The following PPP2R1A variants were observed in gnomAD, a reference collection of about 807,000 sequenced individuals.
PPP2R1A encodes serine/threonine-protein phosphatase 2A 65 kDa regulatory subunit A alpha isoform.
In PPP2R1A, 15 loss-of-function variants were observed where a neutral mutation model predicts 67.1. The observed-to-expected ratio is 0.22, with a 90% CI of 0.15 to 0.34. The LOEUF (loss-of-function observed/expected upper bound fraction) is 0.34, where lower values mean the gene tolerates loss of function less well. Ranked by LOEUF, PPP2R1A falls within the 10% of genes least tolerant of loss-of-function variation. PPP2R1A has a pLI of 1.00. For missense variants in PPP2R1A, 369 were observed against 775.0 expected, an observed-to-expected ratio of 0.48 and a Z score of 6.22; for synonymous variants, 337 against 325.0, an observed-to-expected ratio of 1.04 and a Z score of -0.40.
chr19:52,190,259 G>A, intron 1 of PPP2R1A, 85 bp downstream of exon 1: 1 of 1,451,750 alleles, frequency 6.9e-7, no homozygotes, highest in Non-Finnish European at 9.4e-7. Context: ...CTCAGCGTTC[G>A]CTGGGAGTGG....
chr19:52,204,638 A>G (rs374229225), intron 2 of PPP2R1A, among the ~76,000 whole-genome samples: 16 of 152,364 alleles, frequency 1.1e-4, no homozygotes, highest in African/African-American at 3.8e-4. Context: ...GTGGATACGC[A>G]TAAGGTCTTC....
chr19:52,212,134 G>A lies in PPP2R1A; in HGVS notation c.504-552G>A, dbSNP rs2089676022. On this transcript the variant is annotated intron_variant, in intron 4 of 14. Coordinates refer to ENST00000322088, the MANE Select transcript of PPP2R1A (RefSeq NM_014225.6). This position sits in a 1 kb window ranked among gnomAD's most constrained non-coding sequence, Gnocchi z 4.1. ...AGGATCTCGCTCTGTCATCCAGGCT[G>A]AAGTGCACTGGTGCAGTCATAGCCC... 6.6e-6 allele frequency among the ~76,000 whole-genome samples: 1 copy of A among 152,234 alleles called. No individual in the cohort carries two copies. The highest frequency in any genetic ancestry group is 6.5e-5 in the Admixed American group (1 of 15,288).
chr19:52,226,855 G>C lies in PPP2R1A; in HGVS notation c.*874G>C, dbSNP rs1979295988. 1 of 152,226 alleles carries C rather than the reference G, an allele frequency of 6.6e-6. No individual in the cohort carries two copies. Among genetic ancestry groups the C allele is most frequent in the Non-Finnish European group, 1.5e-5 (1 of 68,054 alleles). The allele number at this position is 152,226 out of a possible 1,614,324, so 9.4% of individuals were successfully genotyped here. A position where few individuals can be genotyped will look rare whatever the true frequency, so the allele number is the denominator to read the frequency against. ...CCAAGTGAATTAGTACCTGGAAAGT[G>C]TGTAACAGTTTCAACATGAGAAGTA... On this transcript the variant is annotated 3_prime_UTR_variant, in exon 15 of 15. Coordinates refer to ENST00000322088, the MANE Select transcript of PPP2R1A (RefSeq NM_014225.6).
intron 13 of PPP2R1A, 143 bp downstream of exon 13, chr19:52,222,384 A>C (rs1978992205): frequency 1.6e-6 from 2 of 1,262,640 alleles, no homozygotes; most frequent in South Asian, 3.4e-5. Context: ...TCCCTTCTCA[A>C]GGTGTGTTTT....
At position 52,221,975 on chromosome 19, in the gene PPP2R1A, T is replaced by C. The variant is rs1978960891; in HGVS notation, c.1519-124T>C. On this transcript the variant is annotated intron_variant, in intron 12 of 14. Transcript: ENST00000322088. ...TGGGAGATTCACTCCACTAACTGAG[T>C]CACCCGTATTGCTCAGCCTCTGTGG... 4.3e-6 allele frequency: 4 copies of C among 939,668 alleles called. No homozygotes were observed. The South Asian group carries it at 7.1e-5, about 17-fold the overall frequency. 58.2% of individuals were successfully genotyped at this position (939,668 alleles called of 1,614,324 possible).
At chr19:52,206,329 A>T (rs539926823) in intron 3 of PPP2R1A, among the ~76,000 whole-genome samples, 1 of 152,286 alleles carries the variant, frequency 6.6e-6, no homozygotes, top group South Asian at 2.1e-4. Flanking sequence ...CTGTGGGTTT[A>T]GAGTCAGGTT....
chr19:52,201,922 C>G (rs777631710), intron 1 of PPP2R1A, 22 bp from the exon 2 acceptor site: 3 of 1,609,446 alleles, frequency 1.9e-6, no homozygotes, highest in Non-Finnish European at 2.6e-6. Context: ...ATTCTCCCCT[C>G]CTCTTCTTGT....
At chr19:52,218,157 G>A (rs1021018336) in intron 9 of PPP2R1A, among the ~76,000 whole-genome samples, 5 of 152,224 alleles carry the variant, frequency 3.3e-5, no homozygotes, top group African/African-American at 1.2e-4. Context: ...GTGTGCTGGT[G>A]TGTGACATCT....
intron 1 of PPP2R1A, among the ~76,000 whole-genome samples, chr19:52,193,595 A>T (rs1345795386): frequency 4.6e-5 from 7 of 151,726 alleles, no homozygotes; most frequent in African/African-American, 1.2e-4. Context: ...ATTTTATTTT[A>T]TTTTTTTTGA....
chr19:52,211,812 T>C lies in PPP2R1A; in HGVS notation c.503+320T>C. On this transcript the variant is annotated intron_variant, in intron 4 of 14. Transcript: ENST00000322088. This position sits in a 1 kb window ranked among gnomAD's most constrained non-coding sequence, Gnocchi z 5.3. ...AGCAAAATCTGGAACATAAAAACTT[T>C]CAGCAACTTACATCTGATGGTATCT... 2.7e-6 allele frequency: 1 copy of C among 366,474 alleles called. No individual in the cohort carries two copies. The highest frequency in any genetic ancestry group is 4.8e-5 in the South Asian group (1 of 20,686). 22.7% of individuals were successfully genotyped at this position (366,474 alleles called of 1,614,324 possible). A position where few individuals can be genotyped will look rare whatever the true frequency, so the allele number is the denominator to read the frequency against.
At chr19:52,203,730 C>T (rs111592777) in intron 2 of PPP2R1A, among the ~76,000 whole-genome samples, 1 of 152,176 alleles carries the variant, frequency 6.6e-6, no homozygotes, top group African/African-American at 2.4e-5. Context: ...TCAGATCCCA[C>T]AGATTGATAG....
intron 1 of PPP2R1A, chr19:52,190,383 TAG>T: frequency 3.2e-6 from 2 of 627,018 alleles, no homozygotes; most frequent in Non-Finnish European, 2.8e-6. Flanking sequence ...GGGCCAGCGC[TAG>T]CCTCGAGGGT....
At chr19:52,218,085 G>A (rs1192970609) in intron 9 of PPP2R1A, among the ~76,000 whole-genome samples, 1 of 152,160 alleles carries the variant, frequency 6.6e-6, no homozygotes, top group Non-Finnish European at 1.5e-5. Context: ...TGTTCAGGAG[G>A]CAGAAGGGAC....
intron 1 of PPP2R1A, among the ~76,000 whole-genome samples, chr19:52,190,515 G>A (rs1204560343): frequency 6.6e-6 from 1 of 152,238 alleles, no homozygotes; most frequent in Non-Finnish European, 1.5e-5. Flanking sequence ...GCCTCTGAAT[G>A]GCCTCTTGGG....
At position 52,213,150 on chromosome 19, in the gene PPP2R1A, C is replaced by T; in HGVS notation, c.807+40C>T. 1 of 1,510,430 alleles carries T rather than the reference C, an allele frequency of 6.6e-7. No individual in the cohort carries two copies. Among genetic ancestry groups the T allele is most frequent in the Non-Finnish European group, 8.8e-7 (1 of 1,136,504 alleles). The allele number at this position is 1,510,430 out of a possible 1,614,324, so 93.6% of individuals were successfully genotyped here. A position where few individuals can be genotyped will look rare whatever the true frequency, so the allele number is the denominator to read the frequency against. ...GTTGACATTGTCCCACTGGTGGGGA[C>T]ACTGACACTCTCAGAAGGGAAGCAT... is the stretch of plus-strand genomic sequence containing the variant. On this transcript the variant is annotated intron_variant, in intron 6 of 14. Transcript: ENST00000322088. This position sits in a 1 kb window ranked among gnomAD's most constrained non-coding sequence, Gnocchi z 4.2.
chr19:52,214,315 G>A (rs1355771736), intron 6 of PPP2R1A, among the ~76,000 whole-genome samples: 1 of 152,094 alleles, frequency 6.6e-6, no homozygotes, highest in African/African-American at 2.4e-5. Flanking sequence ...ACCCTGAGGC[G>A]CCCTTTGCCT....
chr19:52,224,717 T>G lies in PPP2R1A; in HGVS notation c.1662-1000T>G, dbSNP rs1979147725. Among the ~76,000 whole-genome samples, 3 of 152,328 alleles carry G rather than the reference T, an allele frequency of 2.0e-5. No homozygotes were observed. In the South Asian group the frequency reaches 6.2e-4, roughly 32 times the overall value. On this transcript the variant is annotated intron_variant, in intron 13 of 14. Transcript: ENST00000322088. ...TTTTGCAGTTTGTTTGGTTTTCCTT[T>G]GAGGCAGAATCTCGCTCTGTCGCCC...
chr19:52,199,803 A>G (rs971867731), intron 1 of PPP2R1A, among the ~76,000 whole-genome samples: 1 of 152,184 alleles, frequency 6.6e-6, no homozygotes, highest in Non-Finnish European at 1.5e-5. Flanking sequence ...TGTTTGCTAT[A>G]TTAGTTTTTT....
At chr19:52,210,332 C>A (rs1228685315) in intron 3 of PPP2R1A, among the ~76,000 whole-genome samples, 1 of 152,078 alleles carries the variant, frequency 6.6e-6, no homozygotes, top group Non-Finnish European at 1.5e-5. Context: ...AGCGAGCAGT[C>A]CCGAGCCCCA....
Sources: allele counts gnomAD v4.1 joint callset (sites outside exome capture counted in the v4.1 genomes callset), GRCh38; gene constraint gnomAD v4.1.1; non-coding constraint Gnocchi (gnomAD v3.1); transcripts MANE v1.5; gene names NCBI Gene and HGNC (gene_info 2026-07-23, HGNC 2026-07-21).